Variants in ROBO2 observed in about 807,000 individuals in gnomAD.
ROBO2 encodes the protein roundabout homolog 2.
Under a neutral mutation model 160.8 loss-of-function variants are expected in ROBO2, and 53 were observed. The observed-to-expected ratio is 0.33, with a 90% CI of 0.26 to 0.41. ROBO2 has a LOEUF of 0.41. Ranked by LOEUF, ROBO2 falls within the 10% of genes least tolerant of loss-of-function variation. ROBO2 has a pLI of 1.00. For synonymous variants in ROBO2, 664 were observed against 611.7 expected (o/e 1.09, Z -1.26); for missense variants, 1,577 against 1,722.4 (o/e 0.92, Z 1.49).
chr3:77,614,210 G>T (rs1199409866), intron 21 of ROBO2, among the ~76,000 whole-genome samples: 1 of 152,108 alleles, frequency 6.6e-6, no homozygotes, highest in Non-Finnish European at 1.5e-5. Flanking sequence ...TTGGTTAGAG[G>T]ATGCGAAAAA....
At chr3:76,433,185 A>G (rs2076517874) in intron 2 of ROBO2, among the ~76,000 whole-genome samples, 1 of 152,186 alleles carries the variant, frequency 6.6e-6, no homozygotes, top group Non-Finnish European at 1.5e-5. Flanking sequence ...ACTTTGTAGG[A>G]TAAGATTTTC....
intron 2 of ROBO2, among the ~76,000 whole-genome samples, chr3:77,400,000 T>C (rs1223759455): frequency 1.3e-5 from 2 of 151,786 alleles, no homozygotes; most frequent in Non-Finnish European, 2.9e-5. Flanking sequence ...TTGCTGTGAG[T>C]GGATTGTATA....
intron 2 of ROBO2, among the ~76,000 whole-genome samples, chr3:76,043,030 T>C: frequency 6.6e-6 from 1 of 151,994 alleles, no homozygotes; most frequent in East Asian, 1.9e-4. Flanking sequence ...CTCGTCCTGC[T>C]ACACCCTTAA....
In ROBO2 at chr3:77,207,782, G is replaced by A. The variant is rs538580417; in HGVS notation, c.388+109442G>A. Among the ~76,000 whole-genome samples, 17 of 152,286 alleles carry A rather than the reference G, an allele frequency of 1.1e-4. No individual in the cohort carries two copies. The East Asian group carries it at 3.3e-3, about 29-fold the overall frequency. On this transcript the variant is annotated intron_variant, in intron 2 of 25. Coordinates refer to ENST00000461745, the Ensembl canonical transcript of ROBO2. ...TATCCTCAGTTAATGTGAGGCAATT[G>A]CAGATTCACTGCATCTGAGTTTAAA... is the stretch of plus-strand genomic sequence containing the variant.
chr3:76,154,756 T>C (rs987487632), intron 2 of ROBO2, among the ~76,000 whole-genome samples: 1 of 152,206 alleles, frequency 6.6e-6, no homozygotes, highest in Non-Finnish European at 1.5e-5. Context: ...AATATTATGA[T>C]GTTTAACCAT....
chr3:77,059,146 G>A (rs1453125319), intron 1 of ROBO2, among the ~76,000 whole-genome samples: 1 of 152,106 alleles, frequency 6.6e-6, no homozygotes, highest in Non-Finnish European at 1.5e-5. Flanking sequence ...ACTCCCTGGG[G>A]AAGTAACAAT....
rs551796424 is a variant in ROBO2 at position 75,922,142 on chromosome 3, A to G, written c.-14+15182A>G. ...AATATATGATAAAGATAGTGTTTCA[A>G]ATCAGTGGGTAAGTGATAAACGGTT... On this transcript the variant is annotated intron_variant, in intron 1 of 26. Coordinates refer to the ROBO2 transcript ENST00000487694. Among the ~76,000 whole-genome samples the G allele has an allele frequency of 6.8e-4, 104 of 152,304 alleles. 1 individual carries two copies. Among genetic ancestry groups the G allele is most frequent in the African/African-American group, 2.4e-3 (100 of 41,590 alleles).
chr3:76,210,301 A>C (rs758870198), intron 2 of ROBO2, among the ~76,000 whole-genome samples: 1 of 152,076 alleles, frequency 6.6e-6, no homozygotes, highest in East Asian at 1.9e-4. Flanking sequence ...TTAGTAAGCT[A>C]TCTCAACTTC....
chr3:76,142,980 G>A (rs1204667749), intron 2 of ROBO2, among the ~76,000 whole-genome samples: 1 of 151,838 alleles, frequency 6.6e-6, no homozygotes, highest in East Asian at 1.9e-4. Flanking sequence ...GTTGAGTTAT[G>A]AAATAAATTT....
At chr3:76,481,734 G>A (rs1018140015) in intron 2 of ROBO2, among the ~76,000 whole-genome samples, 2 of 152,048 alleles carry the variant, frequency 1.3e-5, no homozygotes, top group Non-Finnish European at 2.9e-5. Context: ...TGATTCTGAT[G>A]TGGGTTTAGG....
At chr3:76,838,334 T>C (rs2067902441) in intron 2 of ROBO2, among the ~76,000 whole-genome samples, 1 of 152,050 alleles carries the variant, frequency 6.6e-6, no homozygotes, top group African/African-American at 2.4e-5. Context: ...CCCACAGATA[T>C]GAGTTTACTT....
At chr3:76,660,459 A>G (rs1382404956) in intron 2 of ROBO2, among the ~76,000 whole-genome samples, 1 of 152,140 alleles carries the variant, frequency 6.6e-6, no homozygotes, top group Non-Finnish European at 1.5e-5. Context: ...ATCCTTACAT[A>G]TATGAAAGGA....
intron 2 of ROBO2, among the ~76,000 whole-genome samples, chr3:76,039,254 G>C (rs927468438): frequency 6.6e-6 from 1 of 151,940 alleles, no homozygotes; most frequent in African/African-American, 2.4e-5. Flanking sequence ...GGGAAATACA[G>C]AGTTGTGTTT....
At chr3:76,868,132 T>C (rs2071578185) in intron 2 of ROBO2, among the ~76,000 whole-genome samples, 1 of 152,230 alleles carries the variant, frequency 6.6e-6, no homozygotes, top group Non-Finnish European at 1.5e-5. Context: ...GCATAGTAAA[T>C]ACATACATAT....
intron 2 of ROBO2, among the ~76,000 whole-genome samples, chr3:76,329,931 A>G (rs1006950479): frequency 6.6e-6 from 1 of 152,174 alleles, no homozygotes; most frequent in African/African-American, 2.4e-5. Context: ...GCGTTTTCAA[A>G]GGCAAGAGAA....
intron 2 of ROBO2, among the ~76,000 whole-genome samples, chr3:76,166,119 G>A (rs1437408173): frequency 6.6e-6 from 1 of 151,976 alleles, no homozygotes; most frequent in Non-Finnish European, 1.5e-5. Flanking sequence ...AAAAAATAGA[G>A]CCAATAGACT....
At chr3:76,611,062 T>C (rs920748275) in intron 2 of ROBO2, among the ~76,000 whole-genome samples, 1 of 152,044 alleles carries the variant, frequency 6.6e-6, no homozygotes, top group African/African-American at 2.4e-5. Flanking sequence ...TGTGGGCTGA[T>C]TGGTTCATGG....
At chr3:77,168,343 A>C (rs1483574299) in intron 2 of ROBO2, among the ~76,000 whole-genome samples, 2 of 152,198 alleles carry the variant, frequency 1.3e-5, no homozygotes, top group African/African-American at 4.8e-5. Flanking sequence ...GTTAAAAATG[A>C]ATGTCACTGT....
chr3:77,371,472 T>C (rs773304097), intron 2 of ROBO2, among the ~76,000 whole-genome samples: 14 of 152,314 alleles, frequency 9.2e-5, no homozygotes, highest in Non-Finnish European at 1.6e-4. Context: ...TTACTCTCAT[T>C]ATAAATGAGA....
Sources: allele counts gnomAD v4.1 joint callset (sites outside exome capture counted in the v4.1 genomes callset), GRCh38; gene constraint gnomAD v4.1.1; transcripts MANE v1.5; gene names NCBI Gene and HGNC (gene_info 2026-07-23, HGNC 2026-07-21).